The following COQ8B variants were observed in gnomAD, a reference collection of about 807,000 sequenced individuals.
COQ8B encodes the protein coenzyme Q8B.
In COQ8B, 44 loss-of-function variants were observed where a neutral mutation model predicts 62.0. That is an observed-to-expected ratio of 0.71 (90% CI 0.56 to 0.91). The LOEUF (loss-of-function observed/expected upper bound fraction) is 0.91. COQ8B is among the 40% of genes least tolerant of loss of function. The pLI is 0.00. For synonymous variants in COQ8B, 252 were observed against 289.9 expected (o/e 0.87, Z 1.33); for missense variants, 649 against 731.6 (o/e 0.89, Z 1.30).
chr19:40,708,907 G>A (rs1366820325), intron 5 of COQ8B, among the ~76,000 whole-genome samples: 1 of 150,544 alleles, frequency 6.6e-6, no homozygotes, highest in African/African-American at 2.4e-5. Context: ...TCCAGCCTGG[G>A]TGACACAGCA....
intron 13 of COQ8B, 137 bp downstream of exon 13, chr19:40,695,852 T>G: frequency 1.2e-6 from 1 of 867,052 alleles, no homozygotes; most frequent in Non-Finnish European, 1.9e-6. Flanking sequence ...GCTTGGTGTG[T>G]GCTAGTTGCT....
At chr19:40,694,133 G>A (rs1047790281) in intron 13 of COQ8B, among the ~76,000 whole-genome samples, 1 of 152,258 alleles carries the variant, frequency 6.6e-6, no homozygotes, top group East Asian at 1.9e-4. Flanking sequence ...TGTGTAAGGG[G>A]TTATCACCTC....
At position 40,692,362 on chromosome 19, in the gene COQ8B, G is replaced by A. The variant is rs141216816; in HGVS notation, c.1308C>T (p.Asp436=). The change falls in exon 15 of 15, where the codon GAC becomes GAT. Residue 436 remains aspartate, a synonymous_variant. Coordinates refer to ENST00000324464, the MANE Select transcript of COQ8B (RefSeq NM_024876.4). The stretch of plus-strand genomic sequence containing the variant: ...GGATCATCACTGCCTCCACGTGGGC[G>A]TCGGAGAATGCCTGGGAGTGGGGGT... ...LTGFETKAFS[D]AHVEAVMILG... is the part of the protein sequence containing the mutation. 56 of 1,613,230 alleles carry A rather than the reference G, an allele frequency of 3.5e-5. No individual in the cohort carries two copies. The highest frequency in any genetic ancestry group is 9.9e-5 in the South Asian group (9 of 91,060).
intron 13 of COQ8B, among the ~76,000 whole-genome samples, chr19:40,694,243 G>T (rs2081996455): frequency 6.6e-6 from 1 of 152,168 alleles, no homozygotes; most frequent in South Asian, 2.1e-4. Flanking sequence ...CCCATGGACT[G>T]CCAGCTGGGC....
At position 40,702,628 on chromosome 19, in the gene COQ8B, G is replaced by A. The variant is rs1165849083; in HGVS notation, c.865C>T (p.Arg289Cys). Residue 289 changes from arginine (R) to cysteine (C), a missense_variant, in exon 10 of 15, where the codon CGT (arginine) becomes TGT (cysteine). Transcript: ENST00000324464. ...QELAWECDYRREAACAQNFRQ... is the reference protein window; with the variant it reads ...QELAWECDYRCEAACAQNFRQ... ...AAATTCTGGGCACAAGCCGCCTCAC[G>A]ACGGTAGTCACACTCCCAAGCCAGC... The A allele has an allele frequency of 2.5e-6, 4 of 1,612,682 alleles. No individual in the cohort carries two copies. The highest frequency in any genetic ancestry group is 1.7e-5 in the Admixed American group (1 of 60,016).
chr19:40,715,635 A>C (rs1298729900), intron 1 of COQ8B: 1 of 982,868 alleles, frequency 1.0e-6, no homozygotes, highest in African/African-American at 1.8e-5. Context: ...TCTCGTGTAC[A>C]TACCCTCCCC....
In COQ8B at chr19:40,692,226, G is replaced by T. The variant is rs1157467912; in HGVS notation, c.1444C>A (p.Pro482Thr). The T allele has an allele frequency of 1.2e-6, 2 of 1,607,960 alleles. No individual in the cohort carries two copies. The highest frequency in any genetic ancestry group is 1.7e-6 in the Non-Finnish European group (2 of 1,177,270). The change falls in exon 15 of 15, where the codon CCC (proline) becomes ACC (threonine). Residue 482 changes from proline (P) to threonine (T), a missense_variant. Physicochemically the swap from Pro to Thr is conservative, Grantham distance 38. Coordinates refer to ENST00000324464, the MANE Select transcript of COQ8B (RefSeq NM_024876.4). ...CGGTGCAGGGCATAGGTCTCCTCGG[G>T]TGGGGGACACAGCCGGTGCCGCAGC... ...VLLRHRLCPP[P>T]EETYALHRKL...
intron 5 of COQ8B, among the ~76,000 whole-genome samples, chr19:40,707,032 G>A (rs1413170792): frequency 1.3e-5 from 2 of 152,170 alleles, no homozygotes; most frequent in Non-Finnish European, 2.9e-5. Context: ...AGCACTTTGG[G>A]ACGTCGGGGC....
intron 4 of COQ8B, among the ~76,000 whole-genome samples, chr19:40,713,223 G>A (rs2082155755): frequency 1.3e-5 from 2 of 152,046 alleles, no homozygotes; most frequent in African/African-American, 2.4e-5. Flanking sequence ...TTAGCCAGGC[G>A]GCCAGGTGTG....
Position 40,692,311 on chromosome 19 carries a change from G to A in COQ8B, c.1359C>T (p.Gly453=). The change falls in exon 15 of 15, where the codon GGC becomes GGT. Residue 453 remains glycine, a synonymous_variant. Coordinates refer to ENST00000324464, the MANE Select transcript of COQ8B (RefSeq NM_024876.4). ...TTTCCCCCGACCCAAAGTCATAAGG[G>A]CCCTGGGTGGCGAAAGGCTCCCCCA... ...MILGEPFATQ[G]PYDFGSGETA... is the part of the protein sequence containing the mutation. 1.9e-6 allele frequency: 3 copies of A among 1,613,790 alleles called. No individual in the cohort carries two copies. The highest frequency in any genetic ancestry group is 2.2e-5 in the East Asian group (1 of 44,872).
Position 40,705,744 on chromosome 19 carries a change from C to T in COQ8B, c.368-297G>A, listed in dbSNP as rs117201418. On this transcript the variant is annotated intron_variant, in intron 5 of 14. Coordinates refer to ENST00000324464, the MANE Select transcript of COQ8B (RefSeq NM_024876.4). ...ATGGCTTGAGTCAAGGAGTTCCAGA[C>T]CAGCCTGGATAACAAAGCAAGACCC... Among the ~76,000 whole-genome samples the T allele has an allele frequency of 2.4e-4, 36 of 152,192 alleles. No individual in the cohort carries two copies. The East Asian group carries it at 7.0e-3, about 29-fold the overall frequency.
intron 5 of COQ8B, among the ~76,000 whole-genome samples, chr19:40,707,536 C>T (rs1360812439): frequency 6.6e-6 from 1 of 151,870 alleles, no homozygotes; most frequent in Non-Finnish European, 1.5e-5. Context: ...CTGCAACCTC[C>T]GCCTCCCCGG....
intron 4 of COQ8B, among the ~76,000 whole-genome samples, chr19:40,713,044 T>C (rs1033342481): frequency 4.6e-5 from 7 of 152,232 alleles, no homozygotes; most frequent in Non-Finnish European, 7.4e-5. Flanking sequence ...TACAAAAAAA[T>C]ATTTTTTAAA....
intron 13 of COQ8B, among the ~76,000 whole-genome samples, chr19:40,695,384 T>C (rs964254412): frequency 1.3e-5 from 2 of 151,266 alleles, no homozygotes; most frequent in Non-Finnish European, 2.9e-5. Context: ...GGCTACATGA[T>C]TAGAGGACCC....
chr19:40,698,499 T>C (rs911085393), intron 12 of COQ8B, among the ~76,000 whole-genome samples: 1 of 151,680 alleles, frequency 6.6e-6, no homozygotes, highest in Non-Finnish European at 1.5e-5. Flanking sequence ...GATCGTGCCA[T>C]TGCACTCCAG....
intron 7 of COQ8B, chr19:40,704,060 G>T: frequency 1.6e-6 from 1 of 616,322 alleles, no homozygotes; most frequent in South Asian, 2.1e-5. Context: ...CAGACTGTGA[G>T]GCTCAGCCTA....
chr19:40,700,609 C>T (rs2082053880), intron 10 of COQ8B, 158 bp from the exon 11 acceptor site: 1 of 855,668 alleles, frequency 1.2e-6, no homozygotes, highest in South Asian at 1.8e-5. Context: ...GGGTGATGAC[C>T]AACACCTGGC....
At chr19:40,697,875 G>GAGAGAGAGAGAGGGAGAGAGAC (rs58313890) in intron 12 of COQ8B, among the ~76,000 whole-genome samples, 5 of 103,470 alleles carry the variant, frequency 4.8e-5, no homozygotes, top group African/African-American at 2.1e-4. Flanking sequence ...GAGAGAGAGA[G>GAGAGAGAGAGAGGGAGAGAGAC]AGTTTCTACT....
At chr19:40,707,199 G>A (rs921823240) in intron 5 of COQ8B, among the ~76,000 whole-genome samples, 1 of 151,722 alleles carries the variant, frequency 6.6e-6, no homozygotes, top group Non-Finnish European at 1.5e-5. Context: ...GACCCAGGAG[G>A]TAGAGGTTAC....
Sources: gnomAD v4.1 joint callset for allele counts (sites outside exome capture counted in the v4.1 genomes callset) on GRCh38, gnomAD v4.1.1 for gene constraint, MANE v1.5 for transcripts, NCBI Gene and HGNC (gene_info 2026-07-23, HGNC 2026-07-21) for gene names.